JMJD1C: variants seen among roughly 807,000 people sequenced by gnomAD.
JMJD1C encodes the protein jumonji domain-containing protein 1C.
Under a neutral mutation model 245.3 loss-of-function variants are expected in JMJD1C, and 31 were observed. The observed-to-expected ratio is 0.13, with a 90% CI of 0.09 to 0.17. The LOEUF is 0.17. JMJD1C is among the 10% of genes least tolerant of loss of function. The probability of loss-of-function intolerance (pLI) is 1.00; values close to 1 mark genes in which losing one functional copy is unlikely to be tolerated. For missense variants in JMJD1C, 2,691 were observed against 3,000.2 expected, an observed-to-expected ratio of 0.90 and a Z score of 2.41; for synonymous variants, 1,057 against 1,017.4, an observed-to-expected ratio of 1.04 and a Z score of -0.74.
At chr10:63,234,320 CCT>C (rs1265633954) in intron 3 of JMJD1C, among the ~76,000 whole-genome samples, 1 of 150,862 alleles carries the variant, frequency 6.6e-6, no homozygotes, top group Non-Finnish European at 1.5e-5. Flanking sequence ...ATGGCGAGAC[CCT>C]GTTTCTACAA....
chr10:63,196,854 T>C (rs1413830161), intron 13 of JMJD1C, among the ~76,000 whole-genome samples: 2 of 152,142 alleles, frequency 1.3e-5, no homozygotes, highest in Non-Finnish European at 2.9e-5. Flanking sequence ...TGGAGTGCAA[T>C]GGGGCAATCA....
chr10:63,461,722 A>G (rs1182999844), intron 1 of JMJD1C, among the ~76,000 whole-genome samples: 1 of 152,184 alleles, frequency 6.6e-6, no homozygotes, highest in Non-Finnish European at 1.5e-5. Context: ...AAAACCAGAC[A>G]TATTTTATTA....
At chr10:63,179,872 T>C (rs189546205) in intron 22 of JMJD1C, among the ~76,000 whole-genome samples, 67 of 152,294 alleles carry the variant, frequency 4.4e-4, no homozygotes, top group African/African-American at 1.4e-3. Context: ...AAGTCAAATA[T>C]GTTATCACTT....
chr10:63,450,789 T>C (rs1952013497), intron 1 of JMJD1C, among the ~76,000 whole-genome samples: 1 of 152,290 alleles, frequency 6.6e-6, no homozygotes, highest in South Asian at 2.1e-4. Flanking sequence ...TTGCCACTTC[T>C]ATTCAACGCA....
At position 63,239,634 on chromosome 10, in the gene JMJD1C, G is replaced by A. The variant is rs190374316; in HGVS notation, c.448-19651C>T. Among the ~76,000 whole-genome samples, 567 of 152,166 alleles carry A rather than the reference G, an allele frequency of 3.7e-3. 2 individuals carry two copies. Among genetic ancestry groups the A allele is most frequent in the African/African-American group, 0.013 (525 of 41,528 alleles). ...TAATTTTTGTATTTTTAGTAGAAACGGGGGTTTTGCCATGTTGGCCAGGAT... is the reference window on the plus strand; with the variant it reads ...TAATTTTTGTATTTTTAGTAGAAACAGGGGTTTTGCCATGTTGGCCAGGAT... On this transcript the variant is annotated intron_variant, in intron 3 of 25. Transcript: ENST00000399262.
intron 2 of JMJD1C, among the ~76,000 whole-genome samples, chr10:63,306,537 A>C (rs894631954): frequency 2.0e-5 from 3 of 152,244 alleles, no homozygotes; most frequent in Admixed American, 2.0e-4. Flanking sequence ...TATAAAAGAA[A>C]AAATGTATGA....
At chr10:63,223,859 T>C (rs1208956340) in intron 3 of JMJD1C, among the ~76,000 whole-genome samples, 3 of 152,156 alleles carry the variant, frequency 2.0e-5, no homozygotes, top group Non-Finnish European at 4.4e-5. Flanking sequence ...GTTCAAGAGA[T>C]TCTCCTGCCT....
At chr10:63,495,189 C>T (rs564582855) in intron 1 of JMJD1C, among the ~76,000 whole-genome samples, 1 of 151,554 alleles carries the variant, frequency 6.6e-6, no homozygotes, top group Non-Finnish European at 1.5e-5. Flanking sequence ...CCATTTCTCA[C>T]TCAAAGGAAC....
At chr10:63,504,650 C>A (rs1406861960) in intron 1 of JMJD1C, among the ~76,000 whole-genome samples, 1 of 152,066 alleles carries the variant, frequency 6.6e-6, no homozygotes, top group African/African-American at 2.4e-5. Context: ...AATCCAAGTG[C>A]AAGGAAAGCC....
chr10:63,488,737 A>G (rs1451954405), intron 1 of JMJD1C, among the ~76,000 whole-genome samples: 2 of 152,334 alleles, frequency 1.3e-5, no homozygotes, highest in East Asian at 3.9e-4. Flanking sequence ...AACTGAAGAT[A>G]TGTTATAGTA....
intron 2 of JMJD1C, among the ~76,000 whole-genome samples, chr10:63,330,021 C>T (rs1307261489): frequency 6.6e-6 from 1 of 152,212 alleles, no homozygotes; most frequent in Non-Finnish European, 1.5e-5. Flanking sequence ...GTGTCTCAGC[C>T]TCCCGAGTAG....
In JMJD1C at chr10:63,320,926, T is replaced by C. The variant is rs536150398; in HGVS notation, c.334-56162A>G. On this transcript the variant is annotated intron_variant, in intron 2 of 25. Transcript: ENST00000399262. ...TGTGTTTAGAGAGTTGGAAAGTTCATAGCCCCACCCCAGACCTCCAGGGAG... is the reference window on the plus strand; with the variant it reads ...TGTGTTTAGAGAGTTGGAAAGTTCACAGCCCCACCCCAGACCTCCAGGGAG... Among the ~76,000 whole-genome samples, 31 of 152,316 alleles carry C rather than the reference T, an allele frequency of 2.0e-4. No homozygotes were observed. In the East Asian group the frequency reaches 3.1e-3, roughly 15 times the overall value.
intron 3 of JMJD1C, among the ~76,000 whole-genome samples, chr10:63,229,639 G>A (rs1849728993): frequency 1.3e-5 from 2 of 151,766 alleles, no homozygotes; most frequent in Non-Finnish European, 2.9e-5. Flanking sequence ...TTCATTTATT[G>A]TAACTGGAAA....
Position 63,212,235 on chromosome 10 carries a change from G to T in JMJD1C, c.2694+1238C>A, listed in dbSNP as rs1331575468. Reference sequence around the variant, plus strand: ...CAAGATGAAAAAGTTCTAGAGACCTGCTGCACAACAATGTGAACACACTTA... The same window carrying T: ...CAAGATGAAAAAGTTCTAGAGACCTTCTGCACAACAATGTGAACACACTTA... On this transcript the variant is annotated intron_variant, in intron 8 of 25. Transcript: ENST00000399262. 3.3e-5 allele frequency among the ~76,000 whole-genome samples: 5 copies of T among 152,146 alleles called. 2 individuals carry two copies. The highest frequency in any genetic ancestry group is 3.3e-4 in the Admixed American group (5 of 15,270).
Position 63,207,072 on chromosome 10 carries a change from C to T in JMJD1C, c.4597G>A (p.Val1533Ile). ...GTCTGGGAAGCTTGCCCATTTCCTACAGAGTTTGCTTTGTTAATTGTACTA... is the reference window on the plus strand; with the variant it reads ...GTCTGGGAAGCTTGCCCATTTCCTATAGAGTTTGCTTTGTTAATTGTACTA... ...ICSTINKANS[V>I]GNGQASQTSQ... Residue 1533 changes from valine (V) to isoleucine (I), a missense_variant, in exon 10 of 26, where the codon GTA (valine) becomes ATA (isoleucine). Around this residue, in one of 9 missense-constraint regions of JMJD1C, gnomAD observed 1,562 missense variants for 1,490.7 expected, o/e 1.05. Coordinates refer to ENST00000399262, the MANE Select transcript of JMJD1C (RefSeq NM_032776.3). 6.2e-7 allele frequency: 1 copy of T among 1,614,210 alleles called. No individual in the cohort carries two copies.
intron 1 of JMJD1C, among the ~76,000 whole-genome samples, chr10:63,428,355 G>A (rs1950560565): frequency 6.6e-6 from 1 of 152,102 alleles, no homozygotes; most frequent in Non-Finnish European, 1.5e-5. Flanking sequence ...ATTGACAAAA[G>A]ATCAATTAAC....
chr10:63,463,185 GA>G (rs1952917584), intron 1 of JMJD1C, among the ~76,000 whole-genome samples: 1 of 151,964 alleles, frequency 6.6e-6, no homozygotes, highest in Admixed American at 6.6e-5. Flanking sequence ...TTTATTTAGA[GA>G]CAGGATCTCA....
rs139393259 is a variant in JMJD1C, at chr10:63,235,159, T to C, written c.448-15176A>G. On this transcript the variant is annotated intron_variant, in intron 3 of 25. Transcript: ENST00000399262. ...CGTTTCAGATACTGTGCTAGAAGAC[T>C]AAATGCCTTATTCTATAAGTATTTT... Among the ~76,000 whole-genome samples, 169 of 152,344 alleles carry C rather than the reference T, an allele frequency of 1.1e-3. No individual in the cohort carries two copies. In the South Asian group the frequency reaches 0.018, roughly 17 times the overall value.
chr10:63,261,597 C>T (rs1268448936), intron 3 of JMJD1C, among the ~76,000 whole-genome samples: 4 of 152,012 alleles, frequency 2.6e-5, no homozygotes, highest in Admixed American at 6.6e-5. Context: ...AAAAGCTGAC[C>T]AGGTTAACTA....
Sources: allele counts gnomAD v4.1 joint callset (sites outside exome capture counted in the v4.1 genomes callset), GRCh38; gene constraint gnomAD v4.1.1; regional missense constraint gnomAD v4.1.1; transcripts MANE v1.5; gene names NCBI Gene and HGNC (gene_info 2026-07-23, HGNC 2026-07-21).